PSD3: variants seen among roughly 807,000 people sequenced by gnomAD.
PSD3 encodes pleckstrin and Sec7 domain containing 3.
A neutral mutation model predicts 105.5 loss-of-function variants in PSD3; 49 were observed. That is an observed-to-expected ratio of 0.46 (90% confidence interval 0.37 to 0.59). The LOEUF is 0.59. Among genes scored for constraint, PSD3 ranks in the 20% least tolerant of loss-of-function variants. The pLI is 0.00. For synonymous variants in PSD3, 557 were observed against 457.8 expected, an observed-to-expected ratio of 1.22 and a Z score of -2.77; for missense variants, 1,561 against 1,263.8, an observed-to-expected ratio of 1.24 and a Z score of -3.57.
intron 9 of PSD3, among the ~76,000 whole-genome samples, chr8:18,764,683 C>T (rs1187298927): frequency 6.6e-6 from 1 of 152,138 alleles, no homozygotes; most frequent in Non-Finnish European, 1.5e-5. Flanking sequence ...TCAAATGTCA[C>T]CTTTCTTGAA....
At chr8:18,605,727 T>C (rs1418491768) in intron 11 of PSD3, among the ~76,000 whole-genome samples, 1 of 152,100 alleles carries the variant, frequency 6.6e-6, no homozygotes, top group Non-Finnish European at 1.5e-5. Context: ...TGGGAGGTAA[T>C]TGGATCATGA....
intron 1 of PSD3, among the ~76,000 whole-genome samples, chr8:19,047,735 C>G (rs1586665415): frequency 6.6e-6 from 1 of 152,108 alleles, no homozygotes; most frequent in Non-Finnish European, 1.5e-5. Context: ...ATGAACAAAG[C>G]AGACACCTAT....
chr8:18,642,218 G>A (rs900934651), intron 10 of PSD3, among the ~76,000 whole-genome samples: 1 of 152,062 alleles, frequency 6.6e-6, no homozygotes, highest in Non-Finnish European at 1.5e-5. Context: ...AAAATACACT[G>A]GGGTCAAGCC....
At chr8:18,774,743 G>A (rs183060020) in intron 8 of PSD3, 127 of 370,186 alleles carry the variant, frequency 3.4e-4, no homozygotes, top group Middle Eastern at 1.8e-3. Context: ...GGCTAATGAC[G>A]GTGAGAACAC....
At chr8:18,553,014 T>C (rs566551017) in intron 15 of PSD3, among the ~76,000 whole-genome samples, 9 of 152,268 alleles carry the variant, frequency 5.9e-5, no homozygotes, top group African/African-American at 2.2e-4. Context: ...GTTTGGACAG[T>C]TTCTAAGGCA....
chr8:18,939,013 C>G (rs1822343783), intron 1 of PSD3, among the ~76,000 whole-genome samples: 1 of 109,498 alleles, frequency 9.1e-6, no homozygotes, highest in African/African-American at 3.6e-5. Flanking sequence ...CCCAAGGACT[C>G]ACTAAAACAT....
chr8:19,005,398 CAG>C (rs766673381), intron 1 of PSD3, among the ~76,000 whole-genome samples: 1 of 151,994 alleles, frequency 6.6e-6, no homozygotes, highest in Non-Finnish European at 1.5e-5. Flanking sequence ...AATCCAGACT[CAG>C]AAAATAGATT....
At chr8:18,825,863 C>T (rs1234787842) in intron 4 of PSD3, among the ~76,000 whole-genome samples, 2 of 152,144 alleles carry the variant, frequency 1.3e-5, no homozygotes, top group Admixed American at 6.5e-5. Context: ...CCGTATTTCC[C>T]CCTACAGCAA....
At chr8:18,974,943 G>A (rs191586161) in intron 1 of PSD3, among the ~76,000 whole-genome samples, 345 of 152,294 alleles carry the variant, frequency 2.3e-3, no homozygotes, top group African/African-American at 7.9e-3. Context: ...TTGACCAGAA[G>A]GGAAGCAGTT....
intron 10 of PSD3, among the ~76,000 whole-genome samples, chr8:18,642,391 C>T (rs1182307670): frequency 3.3e-5 from 5 of 152,082 alleles, no homozygotes; most frequent in African/African-American, 9.7e-5. Context: ...AATGAAACAA[C>T]TACTGTCTAA....
intron 9 of PSD3, chr8:18,733,792 G>C (rs1049482730): frequency 2.0e-5 from 3 of 152,522 alleles, no homozygotes; most frequent in African/African-American, 7.2e-5. Context: ...TCCCATACCG[G>C]CAGTGTCTGC....
At chr8:18,645,120 G>C (rs183806376) in intron 10 of PSD3, among the ~76,000 whole-genome samples, 45 of 152,326 alleles carry the variant, frequency 3.0e-4, no homozygotes, top group African/African-American at 1.0e-3. Flanking sequence ...TTAGGGCAGA[G>C]CCCTTTTCCC....
At chr8:18,702,919 G>C (rs990585817) in intron 9 of PSD3, among the ~76,000 whole-genome samples, 15 of 152,016 alleles carry the variant, frequency 9.9e-5, no homozygotes, top group African/African-American at 3.6e-4. Context: ...GACAGCTATA[G>C]GTACTCTTTA....
chr8:18,995,748 AG>A (rs768197067), intron 1 of PSD3, among the ~76,000 whole-genome samples: 2 of 151,978 alleles, frequency 1.3e-5, no homozygotes, highest in Non-Finnish European at 2.9e-5. Context: ...CAGGCAAGAG[AG>A]CATGTGCAGG....
At chr8:18,956,357 G>T (rs188219912) in intron 1 of PSD3, among the ~76,000 whole-genome samples, 46 of 152,318 alleles carry the variant, frequency 3.0e-4, no homozygotes, top group African/African-American at 1.1e-3. Flanking sequence ...GGTGGGGCCT[G>T]ACAGTCTGCA....
At chr8:18,952,183 C>T (rs190770090) in intron 1 of PSD3, among the ~76,000 whole-genome samples, 13 of 152,198 alleles carry the variant, frequency 8.5e-5, no homozygotes, top group East Asian at 5.8e-4. Context: ...GTTTTAAAGA[C>T]GTCTACATCC....
chr8:18,825,563 A>G (rs1383036501), intron 4 of PSD3, among the ~76,000 whole-genome samples: 5 of 152,222 alleles, frequency 3.3e-5, no homozygotes, highest in Non-Finnish European at 4.4e-5. Context: ...CACTGGTACA[A>G]ATTAACTCAG....
intron 11 of PSD3, among the ~76,000 whole-genome samples, 186 bp from the exon 12 acceptor site, chr8:18,600,620 G>A (rs774009930): frequency 2.6e-5 from 4 of 152,044 alleles, no homozygotes; most frequent in Non-Finnish European, 2.9e-5. Flanking sequence ...TTCCATATAC[G>A]ATCTTAATAT....
In PSD3 at chr8:18,913,066, TAAACACACACACACACAC is replaced by T. The variant is rs1355386562; in HGVS notation, c.130+22950_130+22967del. Among the ~76,000 whole-genome samples, 422 of 135,296 alleles carry T rather than the reference TAAACACACACACACACAC, an allele frequency of 3.1e-3. 3 individuals carry two copies. Among genetic ancestry groups the T allele is most frequent in the African/African-American group, 0.011 (388 of 35,864 alleles). The allele number at this position is 135,296 out of a possible 152,430, so 88.8% of individuals were successfully genotyped here. On this transcript the variant is annotated intron_variant, in intron 2 of 15. Transcript: ENST00000327040. ...ATCTGGTTTAATCTAAACAACTTTA[TAAACACACACACACACAC>T]AAACACACACACACACACACACACA...
Sources: gnomAD v4.1 joint callset for allele counts (sites outside exome capture counted in the v4.1 genomes callset) on GRCh38, gnomAD v4.1.1 for gene constraint, MANE v1.5 for transcripts, NCBI Gene and HGNC (gene_info 2026-07-23, HGNC 2026-07-21) for gene names.